Variants in DNAH11 observed in about 807,000 individuals in gnomAD.
DNAH11 encodes the protein dynein axonemal heavy chain 11.
DNAH11 carries 442 observed loss-of-function variants against 526.0 expected under a neutral mutation model. The ratio of observed to expected loss-of-function variants is 0.84; its 90% CI spans 0.78 to 0.91. The LOEUF (loss-of-function observed/expected upper bound fraction) is 0.91. Ranked by LOEUF, DNAH11 falls within the 40% of genes least tolerant of loss-of-function variation. The probability of loss-of-function intolerance (pLI) is 0.00; values close to 1 mark genes in which losing one functional copy is unlikely to be tolerated. For synonymous variants in DNAH11, 2,461 were observed against 1,935.9 expected (o/e 1.27, Z -7.12); for missense variants, 6,989 against 5,448.7 (o/e 1.28, Z -8.90).
chr7:21,580,090 C>T (rs1784254784), intron 8 of DNAH11, among the ~76,000 whole-genome samples: 1 of 152,138 alleles, frequency 6.6e-6, no homozygotes, highest in Non-Finnish European at 1.5e-5. Context: ...TGGGACTTTC[C>T]AAGGGAGAGG....
intron 2 of DNAH11, among the ~76,000 whole-genome samples, chr7:21,553,479 AC>A (rs1314156944): frequency 9.2e-5 from 14 of 152,276 alleles, no homozygotes; most frequent in African/African-American, 3.4e-4. Flanking sequence ...ACCAGTATCA[AC>A]CAAAAATGTC....
intron 49 of DNAH11, among the ~76,000 whole-genome samples, chr7:21,743,276 T>A (rs1224878453): frequency 6.6e-6 from 1 of 152,272 alleles, no homozygotes; most frequent in Non-Finnish European, 1.5e-5. Context: ...AAGGCACTTA[T>A]GTGTGATTTT....
chr7:21,789,219 G>A (rs747314382), intron 60 of DNAH11, 22 bp from the exon 61 acceptor site: 1 of 1,503,188 alleles, frequency 6.7e-7, no homozygotes. Context: ...CTTTGTATCT[G>A]TATTAATTCA....
At chr7:21,577,320 G>C (rs1287124695) in intron 8 of DNAH11, among the ~76,000 whole-genome samples, 1 of 152,218 alleles carries the variant, frequency 6.6e-6, no homozygotes, top group African/African-American at 2.4e-5. Flanking sequence ...GCTGAGTGGG[G>C]AGCCTAGACT....
chr7:21,693,253 G>T (rs900050987), intron 35 of DNAH11, among the ~76,000 whole-genome samples: 3 of 152,154 alleles, frequency 2.0e-5, no homozygotes, highest in Non-Finnish European at 4.4e-5. Context: ...TTCTGTTAAT[G>T]TGCTGAACTA....
rs371029276 is a variant in DNAH11, at chr7:21,830,985, A to AG, written c.10692-11556dup. Reference sequence around the variant, plus strand: ...ACAGAGGAGGAGCTCACTCCTGCAGAGGGATGTATAAAAATCCTATGGGAG... The same window carrying AG: ...ACAGAGGAGGAGCTCACTCCTGCAGAGGGGATGTATAAAAATCCTATGGGAG... On this transcript the variant is annotated intron_variant, in intron 65 of 81. Transcript: ENST00000409508. Among the ~76,000 whole-genome samples, 623 of 152,310 alleles carry AG rather than the reference A, an allele frequency of 4.1e-3. 4 individuals are homozygous for AG. Among genetic ancestry groups the AG allele is most frequent in the African/African-American group, 0.014 (598 of 41,564 alleles).
rs879666623 is a variant in DNAH11 at position 21,901,568 on chromosome 7, CA to C, written c.*326del. The C allele has an allele frequency of 0.012, 1,879 of 158,244 alleles. 1 individual carries two copies. The highest frequency in any genetic ancestry group is 0.027 in the Middle Eastern group (11 of 404). The allele number at this position is 158,244 out of a possible 1,614,324, so 9.8% of individuals were successfully genotyped here. ...TGGGCAACAGAACAAGACTCCATCT[CA>C]AAAAAAAAAAAGTACATCATAAAAG... On this transcript the variant is annotated 3_prime_UTR_variant, in exon 82 of 82. Transcript: ENST00000409508.
At chr7:21,620,126 T>C in intron 25 of DNAH11, 48 bp downstream of exon 25, 1 of 1,409,314 alleles carries the variant, frequency 7.1e-7, no homozygotes, top group South Asian at 1.4e-5. Flanking sequence ...TATTTTTATT[T>C]GACAAATAAT....
intron 5 of DNAH11, chr7:21,561,499 A>C: frequency 4.9e-6 from 1 of 205,086 alleles, no homozygotes; most frequent in Non-Finnish European, 9.7e-6. Context: ...AGATTGGGCT[A>C]TGGTGAGTCT....
At chr7:21,898,516 T>A (rs1257040961) in intron 79 of DNAH11, among the ~76,000 whole-genome samples, 1 of 152,240 alleles carries the variant, frequency 6.6e-6, no homozygotes, top group African/African-American at 2.4e-5. Context: ...AGTGCCAGCC[T>A]TTCCTTCTAG....
chr7:21,647,893 C>T (rs1022012239), intron 28 of DNAH11, among the ~76,000 whole-genome samples: 2 of 152,044 alleles, frequency 1.3e-5, no homozygotes, highest in African/African-American at 4.8e-5. Context: ...ACTGGCACTA[C>T]AAGAAATGTT....
chr7:21,833,868 A>T (rs1202041665), intron 65 of DNAH11, among the ~76,000 whole-genome samples: 1 of 152,118 alleles, frequency 6.6e-6, no homozygotes, highest in African/African-American at 2.4e-5. Context: ...TTGAAATTTC[A>T]TTTAAACGTC....
At chr7:21,678,994 G>C (rs1271510705) in intron 30 of DNAH11, among the ~76,000 whole-genome samples, 2 of 152,070 alleles carry the variant, frequency 1.3e-5, no homozygotes, top group Non-Finnish European at 2.9e-5. Context: ...TTCATTAATA[G>C]ATGGATAAAG....
chr7:21,650,786 C>T (rs1293849727), intron 28 of DNAH11, among the ~76,000 whole-genome samples: 4 of 151,682 alleles, frequency 2.6e-5, no homozygotes, highest in Non-Finnish European at 4.4e-5. Flanking sequence ...ATTACAGGCA[C>T]ATGCTACCAC....
At chr7:21,635,587 T>C (rs77720344) in intron 25 of DNAH11, among the ~76,000 whole-genome samples, 1 of 152,190 alleles carries the variant, frequency 6.6e-6, no homozygotes, top group South Asian at 2.1e-4. Flanking sequence ...GTATTTTTTT[T>C]CTGCCTGCAA....
intron 54 of DNAH11, among the ~76,000 whole-genome samples, chr7:21,758,730 G>C (rs755882474): frequency 2.0e-5 from 3 of 152,224 alleles, no homozygotes; most frequent in Non-Finnish European, 4.4e-5. Context: ...TTTTGCAGCA[G>C]AAATCCAGTG....
At chr7:21,747,856 C>G (rs10248932) in intron 51 of DNAH11, among the ~76,000 whole-genome samples, 1 of 152,164 alleles carries the variant, frequency 6.6e-6, no homozygotes, top group Non-Finnish European at 1.5e-5. Context: ...AATTCTACAG[C>G]AAAGATTTCT....
intron 35 of DNAH11, among the ~76,000 whole-genome samples, chr7:21,693,627 T>A (rs999860092): frequency 2.0e-5 from 3 of 152,218 alleles, no homozygotes; most frequent in Non-Finnish European, 2.9e-5. Context: ...ATAATGAATT[T>A]AATTCCTTTA....
At chr7:21,775,696 T>A (rs1787642089) in intron 56 of DNAH11, among the ~76,000 whole-genome samples, 1 of 152,144 alleles carries the variant, frequency 6.6e-6, no homozygotes, top group Non-Finnish European at 1.5e-5. Flanking sequence ...CCCCTCTCCA[T>A]GTCAGTTTTC....
Sources: gnomAD v4.1 joint callset for allele counts (sites outside exome capture counted in the v4.1 genomes callset) on GRCh38, gnomAD v4.1.1 for gene constraint, MANE v1.5 for transcripts, NCBI Gene and HGNC (gene_info 2026-07-23, HGNC 2026-07-21) for gene names.